The following PTPRD variants were observed in gnomAD, a reference collection of about 807,000 sequenced individuals.
PTPRD encodes the protein receptor-type tyrosine-protein phosphatase delta.
A neutral mutation model predicts 214.5 loss-of-function variants in PTPRD; 34 were observed. That is an observed-to-expected ratio of 0.16 (90% CI 0.12 to 0.21). The LOEUF is 0.21. PTPRD is among the 10% of genes least tolerant of loss of function. The pLI, the probability that PTPRD is intolerant of heterozygous loss-of-function variation, is 1.00. For missense variants in PTPRD, 2,545 were observed against 2,398.7 expected (o/e 1.06, Z -1.27); for synonymous variants, 1,128 against 845.7 (o/e 1.33, Z -5.79).
intron 3 of PTPRD, among the ~76,000 whole-genome samples, chr9:10,071,305 T>C (rs1365162983): frequency 6.6e-6 from 1 of 151,990 alleles, no homozygotes; most frequent in Non-Finnish European, 1.5e-5. Flanking sequence ...GGAGAAGGCA[T>C]AGGATATCCA....
intron 9 of PTPRD, among the ~76,000 whole-genome samples, chr9:9,275,706 T>C (rs1945342557): frequency 6.6e-6 from 1 of 151,274 alleles, no homozygotes; most frequent in Non-Finnish European, 1.5e-5. Context: ...AACACTAAAA[T>C]GTATTCAAAT....
intron 7 of PTPRD, among the ~76,000 whole-genome samples, chr9:9,619,571 G>C (rs767287098): frequency 5.4e-4 from 77 of 143,614 alleles, no homozygotes; most frequent in Non-Finnish European, 3.8e-4. Context: ...AATATGTCTA[G>C]ATTAATATAT....
At chr9:9,641,144 T>A (rs986926631) in intron 7 of PTPRD, among the ~76,000 whole-genome samples, 5 of 105,270 alleles carry the variant, frequency 4.7e-5, no homozygotes, top group Non-Finnish European at 1.3e-4. Flanking sequence ...CAATGGGCTT[T>A]CTGAACTGTT....
In PTPRD at chr9:10,031,902, G is replaced by A. The variant is rs142480721; in HGVS notation, c.-472+1816C>T. On this transcript the variant is annotated intron_variant, in intron 4 of 45. Transcript: ENST00000381196. ...AGAAAATTTAAAAGGATTTTGAATT[G>A]GTTCAGCAGTATTAGGTTTTGAATG... is the stretch of plus-strand genomic sequence containing the variant. Among the ~76,000 whole-genome samples the A allele has an allele frequency of 2.5e-3, 376 of 152,052 alleles. 2 individuals are homozygous for A. Among genetic ancestry groups the A allele is most frequent in the Non-Finnish European group, 4.4e-3 (297 of 67,978 alleles).
intron 3 of PTPRD, among the ~76,000 whole-genome samples, chr9:10,188,181 A>G (rs1179493529): frequency 6.6e-6 from 1 of 152,164 alleles, no homozygotes; most frequent in Non-Finnish European, 1.5e-5. Context: ...TTTTCCTGCC[A>G]ATTCTACTTA....
intron 3 of PTPRD, among the ~76,000 whole-genome samples, chr9:10,332,896 C>A (rs1301429810): frequency 6.6e-6 from 1 of 151,768 alleles, no homozygotes; most frequent in East Asian, 1.9e-4. Flanking sequence ...ATTTCCCTTT[C>A]CAAGCTCTAC....
intron 10 of PTPRD, among the ~76,000 whole-genome samples, chr9:9,131,778 T>C (rs1466677774): frequency 2.0e-5 from 3 of 152,234 alleles, no homozygotes; most frequent in Non-Finnish European, 4.4e-5. Context: ...GGTGACTTAA[T>C]TATGAGAGTT....
intron 3 of PTPRD, among the ~76,000 whole-genome samples, chr9:10,230,776 T>G (rs1042825612): frequency 6.6e-6 from 1 of 152,164 alleles, no homozygotes; most frequent in East Asian, 1.9e-4. Flanking sequence ...TAACAGAAGG[T>G]TTCAGTTCTC....
At chr9:9,413,797 C>G (rs912184509) in intron 8 of PTPRD, among the ~76,000 whole-genome samples, 4 of 152,156 alleles carry the variant, frequency 2.6e-5, no homozygotes, top group African/African-American at 9.7e-5. Flanking sequence ...AATTAGATAA[C>G]ATTTTTAAAG....
At chr9:8,803,386 C>T (rs1386954665) in intron 11 of PTPRD, among the ~76,000 whole-genome samples, 1 of 152,046 alleles carries the variant, frequency 6.6e-6, no homozygotes, top group African/African-American at 2.4e-5. Context: ...ATTAGTTTTG[C>T]CGATGAGAAA....
At chr9:8,839,152 A>G (rs1217028344) in intron 11 of PTPRD, among the ~76,000 whole-genome samples, 2 of 152,160 alleles carry the variant, frequency 1.3e-5, no homozygotes, top group Non-Finnish European at 2.9e-5. Context: ...TTTAATTCAT[A>G]TAACAGAAAT....
chr9:9,412,087 G>C lies in PTPRD; in HGVS notation c.-236-14605C>G, dbSNP rs1002186151. On this transcript the variant is annotated intron_variant, in intron 8 of 45. Coordinates refer to ENST00000381196, the MANE Select transcript of PTPRD (RefSeq NM_002839.4). ...CAGAGTAGAAAAAAGCGATTATACA[G>C]CCAAATTTTATGTAAAACTCAATTT... Among the ~76,000 whole-genome samples the C allele has an allele frequency of 2.0e-5, 3 of 152,116 alleles. No homozygotes were observed. The South Asian group carries it at 6.2e-4, about 31-fold the overall frequency.
intron 8 of PTPRD, among the ~76,000 whole-genome samples, chr9:9,467,550 G>A (rs1219443492): frequency 1.5e-5 from 2 of 132,816 alleles, no homozygotes; most frequent in African/African-American, 2.9e-5. Flanking sequence ...TTGTGCCACT[G>A]CACTCCAGCC....
intron 8 of PTPRD, among the ~76,000 whole-genome samples, chr9:9,502,758 TTGA>T (rs1235777107): frequency 6.6e-6 from 1 of 151,880 alleles, no homozygotes; most frequent in Non-Finnish European, 1.5e-5. Context: ...AAGGAGCAAA[TTGA>T]TGATATATAA....
chr9:8,862,144 G>C (rs1279510658), intron 11 of PTPRD: 1 of 152,254 alleles, frequency 6.6e-6, no homozygotes, highest in African/African-American at 2.4e-5. Context: ...ATCACTTGAG[G>C]TCAGGAGTTT....
intron 2 of PTPRD, among the ~76,000 whole-genome samples, chr9:10,412,701 G>A (rs1209574096): frequency 4.0e-5 from 6 of 150,510 alleles, no homozygotes; most frequent in Non-Finnish European, 5.9e-5. Context: ...ACATTGATGC[G>A]AAAACCCTCA....
At chr9:8,581,913 C>CAAAAAAAAAAAAAAAAAAAAAAA (rs36007156) in intron 14 of PTPRD, among the ~76,000 whole-genome samples, 1 of 34,964 alleles carries the variant, frequency 2.9e-5, no homozygotes, top group Admixed American at 4.4e-4. Context: ...ACTCAATCTC[C>CAAAAAAAAAAAAAAAAAAAAAAA]AAAAAAAAAA....
At chr9:10,099,231 C>A (rs2098526923) in intron 3 of PTPRD, among the ~76,000 whole-genome samples, 1 of 151,594 alleles carries the variant, frequency 6.6e-6, no homozygotes, top group Admixed American at 6.6e-5. Flanking sequence ...GGTACAAACC[C>A]AGAAAAACTA....
At chr9:9,174,819 T>C (rs2099923631) in intron 10 of PTPRD, among the ~76,000 whole-genome samples, 1 of 152,176 alleles carries the variant, frequency 6.6e-6, no homozygotes, top group Non-Finnish European at 1.5e-5. Context: ...CTAATGATTT[T>C]CTTTTTTTTA....
Sources: allele counts gnomAD v4.1 joint callset (sites outside exome capture counted in the v4.1 genomes callset), GRCh38; gene constraint gnomAD v4.1.1; transcripts MANE v1.5; gene names NCBI Gene and HGNC (gene_info 2026-07-23, HGNC 2026-07-21).